The following CLNK variants were observed in gnomAD, a reference collection of about 807,000 sequenced individuals.
The protein encoded by CLNK is cytokine dependent hematopoietic cell linker.
In CLNK, 74 loss-of-function variants were observed where a neutral mutation model predicts 68.6. That is an observed-to-expected ratio of 1.08 (90% CI 0.89 to 1.31). The LOEUF (loss-of-function observed/expected upper bound fraction) is 1.31. CLNK is among the 50% of genes most tolerant of loss of function. The pLI is 0.00. For synonymous variants in CLNK, 198 were observed against 172.2 expected (o/e 1.15, Z -1.17); for missense variants, 553 against 515.3 (o/e 1.07, Z -0.71).
chr4:10,568,258 C>T (rs571313379), intron 5 of CLNK, among the ~76,000 whole-genome samples: 96 of 152,068 alleles, frequency 6.3e-4, no homozygotes, highest in African/African-American at 2.0e-3. Context: ...GATAATATTA[C>T]GTTAAATGAA....
At chr4:10,616,045 T>C (rs1218140172) in intron 2 of CLNK, among the ~76,000 whole-genome samples, 1 of 152,198 alleles carries the variant, frequency 6.6e-6, no homozygotes, top group Non-Finnish European at 1.5e-5. Flanking sequence ...TTATATAAAA[T>C]TATAATTGAC....
intron 5 of CLNK, among the ~76,000 whole-genome samples, 167 bp downstream of exon 5, chr4:10,571,574 G>A (rs1196641643): frequency 6.6e-6 from 1 of 152,078 alleles, no homozygotes; most frequent in Non-Finnish European, 1.5e-5. Context: ...GGCCTCAGGT[G>A]ATCTGCCCGC....
chr4:10,566,724 T>G (rs1720130080), intron 5 of CLNK, among the ~76,000 whole-genome samples: 1 of 152,062 alleles, frequency 6.6e-6, no homozygotes, highest in African/African-American at 2.4e-5. Context: ...TGGCTCATGC[T>G]TGTAATCCCA....
At chr4:10,650,893 A>T (rs942052428) in intron 2 of CLNK, among the ~76,000 whole-genome samples, 2 of 152,228 alleles carry the variant, frequency 1.3e-5, no homozygotes, top group African/African-American at 4.8e-5. Context: ...TAGGTAAAGG[A>T]TATGAACAGA....
the CLNK span, among the ~76,000 whole-genome samples, chr4:10,723,967 A>G: frequency 0.011 from 1,149 of 104,686 alleles, 11 homozygotes; most frequent in Middle Eastern, 0.027. Flanking sequence ...GGTGGGATAT[A>G]TGAGTTTGCC....
chr4:10,496,500 G>A (rs1190215646), intron 18 of CLNK, among the ~76,000 whole-genome samples: 1 of 152,210 alleles, frequency 6.6e-6, no homozygotes, highest in East Asian at 1.9e-4. Context: ...AAGGCAGGAA[G>A]AACCACCTGT....
chr4:10,653,638 A>G (rs1268530246), intron 2 of CLNK, among the ~76,000 whole-genome samples: 3 of 152,244 alleles, frequency 2.0e-5, no homozygotes, highest in Admixed American at 1.3e-4. Flanking sequence ...AATTTGGCGA[A>G]TCAATGAAAT....
intron 16 of CLNK, among the ~76,000 whole-genome samples, chr4:10,509,767 C>T (rs1189161494): frequency 7.2e-5 from 11 of 152,174 alleles, no homozygotes; most frequent in Admixed American, 7.2e-4. Context: ...CTCAGGTGAT[C>T]CACATGCCTC....
chr4:10,667,503 G>A (rs1222121402), intron 2 of CLNK, among the ~76,000 whole-genome samples: 1 of 151,482 alleles, frequency 6.6e-6, no homozygotes, highest in Admixed American at 6.6e-5. Flanking sequence ...TGGACTCCAG[G>A]CTTTCTCCTG....
At chr4:10,725,683 C>A in the CLNK span, among the ~76,000 whole-genome samples, 1 of 152,096 alleles carries the variant, frequency 6.6e-6, no homozygotes, top group South Asian at 2.1e-4. Flanking sequence ...GAAACACCTT[C>A]TCTACTAAAA....
chr4:10,609,423 C>T (rs1300578394), intron 2 of CLNK, among the ~76,000 whole-genome samples: 2 of 152,228 alleles, frequency 1.3e-5, no homozygotes, highest in African/African-American at 2.4e-5. Flanking sequence ...TTCTGACTCA[C>T]AGTAAGGCCC....
At chr4:10,643,573 C>T (rs566180000) in intron 2 of CLNK, among the ~76,000 whole-genome samples, 1 of 152,346 alleles carries the variant, frequency 6.6e-6, no homozygotes, top group East Asian at 1.9e-4. Flanking sequence ...AGATATGCAG[C>T]CACGCTCAGG....
chr4:10,602,428 A>G (rs1653387152), intron 2 of CLNK, among the ~76,000 whole-genome samples: 1 of 152,186 alleles, frequency 6.6e-6, no homozygotes, highest in Admixed American at 6.5e-5. Flanking sequence ...TGGGCTCTAA[A>G]TCTTGGGTTA....
At chr4:10,546,227 C>G (rs986233673) in intron 8 of CLNK, among the ~76,000 whole-genome samples, 1 of 152,122 alleles carries the variant, frequency 6.6e-6, no homozygotes, top group African/African-American at 2.4e-5. Flanking sequence ...CAAATTTATC[C>G]ACTCTACTTC....
intron 4 of CLNK, among the ~76,000 whole-genome samples, chr4:10,578,646 G>A (rs1465447055): frequency 7.4e-6 from 1 of 136,030 alleles, no homozygotes; most frequent in Admixed American, 8.3e-5. Context: ...GAGTGCAGTG[G>A]CACAATCTTG....
intron 2 of CLNK, among the ~76,000 whole-genome samples, chr4:10,623,508 T>A (rs1386729549): frequency 6.6e-6 from 1 of 152,226 alleles, no homozygotes; most frequent in Non-Finnish European, 1.5e-5. Context: ...GCTTAGGGAA[T>A]GCCAGTACAT....
chr4:10,577,056 TCC>T (rs1336497799), intron 4 of CLNK, among the ~76,000 whole-genome samples: 2 of 152,116 alleles, frequency 1.3e-5, no homozygotes, highest in Admixed American at 1.3e-4. Flanking sequence ...TCCCAGTGGG[TCC>T]CATGGTGAGA....
At chr4:10,619,450 G>A (rs1463336423) in intron 2 of CLNK, among the ~76,000 whole-genome samples, 8 of 152,028 alleles carry the variant, frequency 5.3e-5, no homozygotes, top group South Asian at 2.1e-4. Context: ...AACCTTGTTC[G>A]AAATAAAATG....
chr4:10,602,727 T>C (rs1003940337), intron 2 of CLNK, among the ~76,000 whole-genome samples: 8 of 152,214 alleles, frequency 5.3e-5, no homozygotes, highest in Admixed American at 1.3e-4. Context: ...TAAACATCTC[T>C]TCTGTCCCAA....
Sources: allele counts gnomAD v4.1 joint callset (sites outside exome capture counted in the v4.1 genomes callset), GRCh38; gene constraint gnomAD v4.1.1; transcripts MANE v1.5; gene names NCBI Gene and HGNC (gene_info 2026-07-23, HGNC 2026-07-21).